CSAG1: variants seen among roughly 807,000 people sequenced by gnomAD.
The protein encoded by CSAG1 is chondrosarcoma-associated gene 1 protein.
A neutral mutation model predicts 4.8 loss-of-function variants in CSAG1; 4 were observed. The observed-to-expected ratio is 0.83, with a 90% CI of 0.41 to 1.90. The LOEUF (loss-of-function observed/expected upper bound fraction) is 1.90. Among genes scored for constraint, CSAG1 ranks in the 40% most tolerant of loss-of-function variants. The pLI is 0.03. For synonymous variants in CSAG1, 21 were observed against 23.1 expected, an observed-to-expected ratio of 0.91 and a Z score of 0.26; for missense variants, 69 against 59.5, an observed-to-expected ratio of 1.16 and a Z score of -0.53.
chrX:152,732,422 T>C, intron 2 of CSAG1, 23 bp downstream of exon 2: 2 of 1,199,460 alleles, frequency 1.7e-6, no homozygotes, highest in Non-Finnish European at 2.2e-6. Flanking sequence ...TCAGCTTAAA[T>C]TATTTACAAT....
Position 152,727,818 on chromosome X carries a change from A to G in CSAG1, c.213T>C (p.Val71=), listed in dbSNP as rs200591860. Residue 71 remains valine (V), a synonymous_variant, in exon 4 of 4, where the codon GTT becomes GTC. Coordinates refer to ENST00000452779, the MANE Select transcript of CSAG1 (RefSeq NM_001102576.3). ...TTTAGGGAGAGCCTTTTGTTCCTGG[A>G]ACTTCCTTGACGGGTCCCTTTTCCC... ...PRREKGPVKE[V]PGTKGSP is the part of the protein sequence containing the mutation. The G allele has an allele frequency of 1.7e-6, 2 of 1,210,835 alleles. No homozygotes were observed. The highest frequency in any genetic ancestry group is 2.2e-6 in the Non-Finnish European group (2 of 895,001).
At chrX:152,730,453 A>G (rs2515843) in intron 2 of CSAG1, among the ~76,000 whole-genome samples, 1 of 106,172 alleles carries the variant, frequency 9.4e-6, no homozygotes, top group Admixed American at 9.8e-5. Flanking sequence ...GAGAGCAGAG[A>G]CCTCATGAAT....
rs61137896 is a variant in CSAG1 at position 152,729,992 on chromosome X, T to TTATA, written c.17-1772_17-1769dup. Among the ~76,000 whole-genome samples the TTATA allele has an allele frequency of 2.9e-4, 19 of 64,642 alleles. No homozygotes were observed. The East Asian group carries it at 2.9e-3, about 10-fold the overall frequency. 56.1% of individuals were successfully genotyped at this position (64,642 alleles called of 115,157 possible). On this transcript the variant is annotated intron_variant, in intron 2 of 3. Transcript: ENST00000452779. ...AAATGTATTTCATTTGGTGAATGGA[T>TTATA]TATATATATATATATATACACACAT...
intron 3 of CSAG1, 99 bp downstream of exon 3, chrX:152,727,975 T>A: frequency 8.3e-7 from 1 of 1,204,670 alleles, no homozygotes; most frequent in Non-Finnish European, 1.1e-6. Context: ...GTGGGGGTTG[T>A]GCCAGGGGAG....
At position 152,728,166 on chromosome X, in the gene CSAG1, A is replaced by G. The variant is rs1932063185; in HGVS notation, c.75T>C (p.Ser25=). 1 of 1,210,334 alleles carries G rather than the reference A, an allele frequency of 8.3e-7. No individual in the cohort carries two copies. Among genetic ancestry groups the G allele is most frequent in the East Asian group, 3.0e-5 (1 of 33,804 alleles). Residue 25 remains serine (S), a synonymous_variant, in exon 3 of 4, where the codon AGT becomes AGC. Transcript: ENST00000452779. ...CCAGACCAGTGTCTCTGTACAGTCT[A>G]CTCCAGTCCACCTGGTCTCCCCGAG... ...GEARGDQVDW[S]RLYRDTGLVK... is the part of the protein sequence containing the mutation.
chrX:152,730,926 T>C (rs1347794016), intron 2 of CSAG1, among the ~76,000 whole-genome samples: 1 of 112,790 alleles, frequency 8.9e-6, no homozygotes, highest in Non-Finnish European at 1.9e-5. Flanking sequence ...CAAAGAAATA[T>C]ATATTTTATA....
intron 2 of CSAG1, among the ~76,000 whole-genome samples, chrX:152,731,787 T>A (rs1361235454): frequency 1.8e-5 from 2 of 111,530 alleles, no homozygotes; most frequent in Non-Finnish European, 3.8e-5. Context: ...AAAAATTTGA[T>A]CCTGTCAAAG....
chrX:152,730,011 C>CTATACAT (rs1932123583), intron 2 of CSAG1, among the ~76,000 whole-genome samples: 1 of 77,892 alleles, frequency 1.3e-5, no homozygotes, highest in Admixed American at 1.2e-4. Context: ...TATATATATA[C>CTATACAT]ACACATACAC....
At chrX:152,728,033 C>T (rs1556830680) in intron 3 of CSAG1, 41 bp downstream of exon 3, 1 of 1,211,174 alleles carries the variant, frequency 8.3e-7, no homozygotes, top group Admixed American at 2.2e-5. Context: ...TTTGATAGGG[C>T]TTCTGGGCCA....
At chrX:152,729,621 T>G (rs1932111368) in intron 2 of CSAG1, among the ~76,000 whole-genome samples, 1 of 111,989 alleles carries the variant, frequency 8.9e-6, no homozygotes, top group Non-Finnish European at 1.9e-5. Flanking sequence ...GCGTGTTTTG[T>G]CATTAGATAA....
chrX:152,730,009 T>TATATATATATATATAC lies in CSAG1; in HGVS notation c.17-1786_17-1785insGTATATATATATATAT, dbSNP rs1220407757. The stretch of plus-strand genomic sequence containing the variant: ...TGAATGGATTATATATATATATATA[T>TATATATATATATATAC]ACACACATACACACACACACGCATT... On this transcript the variant is annotated intron_variant, in intron 2 of 3. Coordinates refer to ENST00000452779, the MANE Select transcript of CSAG1 (RefSeq NM_001102576.3). Among the ~76,000 whole-genome samples, 114 of 54,999 alleles carry TATATATATATATATAC rather than the reference T, an allele frequency of 2.1e-3. 2 individuals are homozygous for TATATATATATATATAC. Among genetic ancestry groups the TATATATATATATATAC allele is most frequent in the African/African-American group, 6.5e-3 (111 of 17,093 alleles). The allele number at this position is 54,999 out of a possible 115,157, so 47.8% of individuals were successfully genotyped here. A position where few individuals can be genotyped will look rare whatever the true frequency, so the allele number is the denominator to read the frequency against.
intron 2 of CSAG1, among the ~76,000 whole-genome samples, chrX:152,729,852 G>A (rs1556228905): frequency 9.1e-6 from 1 of 109,922 alleles, no homozygotes; most frequent in Non-Finnish European, 1.9e-5. Context: ...GTAAGATTCA[G>A]CAGCCATACT....
intron 2 of CSAG1, among the ~76,000 whole-genome samples, chrX:152,731,172 A>T (rs1932147914): frequency 8.9e-6 from 1 of 111,898 alleles, no homozygotes; most frequent in Non-Finnish European, 1.9e-5. Flanking sequence ...TTTGCTGTGT[A>T]TTTAAAGTTG....
intron 2 of CSAG1, among the ~76,000 whole-genome samples, chrX:152,731,596 C>A (rs1932156223): frequency 9.0e-6 from 1 of 111,552 alleles, no homozygotes; most frequent in African/African-American, 3.3e-5. Flanking sequence ...AGGACCACAT[C>A]CCTCCCCGAT....
chrX:152,729,752 T>C (rs1334318645), intron 2 of CSAG1, among the ~76,000 whole-genome samples: 1 of 109,936 alleles, frequency 9.1e-6, no homozygotes, highest in Non-Finnish European at 1.9e-5. Context: ...CAACAGAAAC[T>C]CTCATTCATA....
chrX:152,729,148 C>T (rs1333004541), intron 2 of CSAG1, among the ~76,000 whole-genome samples: 1 of 110,567 alleles, frequency 9.0e-6, no homozygotes, highest in African/African-American at 3.3e-5. Context: ...CAAAAGGTGT[C>T]GGAACAATTA....
intron 2 of CSAG1, among the ~76,000 whole-genome samples, chrX:152,730,331 T>A (rs1458694640): frequency 2.9e-4 from 32 of 111,993 alleles, no homozygotes; most frequent in African/African-American, 9.6e-4. Context: ...GTAATGGTGG[T>A]TCCGTGCTTG....
Position 152,728,069 on chromosome X carries a change from C to G in CSAG1, c.167+5G>C, listed in dbSNP as rs1556830723. On this transcript the variant is annotated splice_donor_5th_base_variant and intron_variant, in intron 3 of 3. Coordinates refer to ENST00000452779, the MANE Select transcript of CSAG1 (RefSeq NM_001102576.3). ...GGGATGAGAGGATGCTTTCCCCTTCCTCGCCTCTTTGGTGTTGATGGGTGG... is the reference window on the plus strand; with the variant it reads ...GGGATGAGAGGATGCTTTCCCCTTCGTCGCCTCTTTGGTGTTGATGGGTGG... The G allele has an allele frequency of 8.3e-6, 10 of 1,208,951 alleles. No individual in the cohort carries two copies. The East Asian group carries it at 3.0e-4, about 36-fold the overall frequency.
At position 152,728,243 on chromosome X, in the gene CSAG1, T is replaced by G; in HGVS notation, c.17-19A>C. 1 of 1,192,879 alleles carries G rather than the reference T, an allele frequency of 8.4e-7. No homozygotes were observed. The highest frequency in any genetic ancestry group is 1.1e-6 in the Non-Finnish European group (1 of 878,431). On this transcript the variant is annotated intron_variant, in intron 2 of 3. Transcript: ENST00000452779. ...CAGCAGGCTAGAAACTCACACGACA[T>G]TATTATGTTAGTCTTGTGGTAGAAT...
Sources: gnomAD v4.1 joint callset for allele counts (sites outside exome capture counted in the v4.1 genomes callset) on GRCh38, gnomAD v4.1.1 for gene constraint, MANE v1.5 for transcripts, NCBI Gene and HGNC (gene_info 2026-07-23, HGNC 2026-07-21) for gene names.